The following RIPOR2 variants were observed in gnomAD, a reference collection of about 807,000 sequenced individuals.
RIPOR2 encodes RHO family interacting cell polarization regulator 2, also known as rho family-interacting cell polarization regulator 2.
Under a neutral mutation model 114.5 loss-of-function variants are expected in RIPOR2, and 39 were observed. The ratio of observed to expected loss-of-function variants is 0.34; its 90% CI spans 0.26 to 0.44. RIPOR2 has a LOEUF of 0.44. Among genes scored for constraint, RIPOR2 ranks in the 20% least tolerant of loss-of-function variants. The pLI, the probability that RIPOR2 is intolerant of heterozygous loss-of-function variation, is 1.00. For missense variants in RIPOR2, 1,007 were observed against 1,255.1 expected, an observed-to-expected ratio of 0.80 and a Z score of 2.99; for synonymous variants, 445 against 484.4, an observed-to-expected ratio of 0.92 and a Z score of 1.07.
chr6:24,817,978 C>CTCTTTTTTTTTTTTTT (rs140745822), intron 20 of RIPOR2, among the ~76,000 whole-genome samples: 3 of 118,366 alleles, frequency 2.5e-5, no homozygotes, highest in Non-Finnish European at 3.4e-5. Context: ...CTCTCTCTCT[C>CTCTTTTTTTTTTTTTT]TTTTTTTTTG....
At chr6:24,828,027 T>A in intron 18 of RIPOR2, 110 bp downstream of exon 18, 1 of 984,266 alleles carries the variant, frequency 1.0e-6, no homozygotes, top group Non-Finnish European at 1.4e-6. Context: ...GCACCTCTAC[T>A]GTGGACTTGA....
chr6:24,952,175 T>A (rs80241867), intron 1 of RIPOR2, among the ~76,000 whole-genome samples: 2,144 of 152,314 alleles, frequency 0.014, 37 homozygotes, highest in African/African-American at 0.039. Flanking sequence ...CAACTGAGGT[T>A]GTTGGCTGGG....
intron 16 of RIPOR2, 30 bp from the exon 17 acceptor site, chr6:24,830,700 TA>T: frequency 2.0e-6 from 3 of 1,528,008 alleles, no homozygotes; most frequent in South Asian, 1.2e-5. Context: ...CCCCATCTCG[TA>T]ACACATTTTA....
rs1300892292 is a variant in RIPOR2 at position 25,022,013 on chromosome 6, A to T, written c.76+19838T>A. Among the ~76,000 whole-genome samples the T allele has an allele frequency of 3.3e-5, 5 of 152,088 alleles. No individual in the cohort carries two copies. In the East Asian group the frequency reaches 5.8e-4, roughly 18 times the overall value. ...CAAGGGAAAGATAAACATTAAACTT[A>T]AAAAAAATGGTCTGTAATTATGTAG... On this transcript the variant is annotated intron_variant, in intron 1 of 13. Transcript: ENST00000510784.
chr6:24,898,707 A>G (rs1056412534), intron 1 of RIPOR2: 3 of 152,170 alleles, frequency 2.0e-5, no homozygotes, highest in African/African-American at 7.2e-5. Context: ...ATTCATCACT[A>G]AGGGAATGTG....
intron 1 of RIPOR2, chr6:25,024,473 T>G: frequency 1.2e-6 from 1 of 860,850 alleles, no homozygotes; most frequent in East Asian, 2.6e-5. Flanking sequence ...TCATGGAGCC[T>G]TTGCTGGACA....
chr6:24,931,204 T>C (rs1006926409), intron 1 of RIPOR2, among the ~76,000 whole-genome samples: 2 of 152,216 alleles, frequency 1.3e-5, no homozygotes, highest in African/African-American at 4.8e-5. Context: ...ATTATTTACC[T>C]ATTAAAAGAA....
At chr6:24,972,096 G>GA (rs1561817051) in intron 1 of RIPOR2, among the ~76,000 whole-genome samples, 1 of 152,078 alleles carries the variant, frequency 6.6e-6, no homozygotes, top group African/African-American at 2.4e-5. Flanking sequence ...GAACCAAAAC[G>GA]TTTCTATCCT....
rs538775253 is a variant in RIPOR2 at position 24,984,611 on chromosome 6, T to A, written c.76+57240A>T. Among the ~76,000 whole-genome samples the A allele has an allele frequency of 3.0e-4, 45 of 148,378 alleles. 1 individual carries two copies. Among genetic ancestry groups the A allele is most frequent in the African/African-American group, 1.0e-3 (42 of 40,074 alleles). On this transcript the variant is annotated intron_variant, in intron 1 of 13. Transcript: ENST00000510784. ...TACTTGGGAGGTTTGAGCCCGGGAG[T>A]TGGAGACCAGCCTGGACAACATAGT...
intron 9 of RIPOR2, among the ~76,000 whole-genome samples, chr6:24,851,593 T>C (rs1160501660): frequency 1.3e-5 from 2 of 152,194 alleles, no homozygotes; most frequent in Admixed American, 6.5e-5. Flanking sequence ...AGATGTTAGA[T>C]GAAATGGTTA....
intron 1 of RIPOR2, among the ~76,000 whole-genome samples, chr6:24,969,998 T>C (rs1773705517): frequency 6.6e-6 from 1 of 152,096 alleles, no homozygotes. Flanking sequence ...ATAAACAAAA[T>C]AAATGAGTCT....
intron 1 of RIPOR2, among the ~76,000 whole-genome samples, chr6:25,014,309 C>T (rs1393818444): frequency 6.6e-6 from 1 of 152,138 alleles, no homozygotes; most frequent in East Asian, 1.9e-4. Context: ...TAAGTAGGAT[C>T]CAAACAAAAC....
At chr6:24,872,748 C>T in intron 4 of RIPOR2, 133 bp downstream of exon 4, 1 of 579,250 alleles carries the variant, frequency 1.7e-6, no homozygotes, top group Non-Finnish European at 3.1e-6. Flanking sequence ...CTAAGACATA[C>T]TGGGGGATGC....
intron 1 of RIPOR2, among the ~76,000 whole-genome samples, chr6:24,958,958 C>CTTTCTTTTTTTTT (rs139147901): frequency 3.2e-5 from 4 of 123,218 alleles, no homozygotes; most frequent in Admixed American, 8.2e-5. Context: ...TCTACATTTT[C>CTTTCTTTTTTTTT]TTTTTTTTTT....
chr6:24,889,910 G>A (rs1767170956), intron 1 of RIPOR2, among the ~76,000 whole-genome samples: 2 of 151,524 alleles, frequency 1.3e-5, no homozygotes, highest in Non-Finnish European at 2.9e-5. Context: ...TTATTTTTTT[G>A]AGACAGAGTT....
At position 24,875,902 on chromosome 6, in the gene RIPOR2, G is replaced by GTGCTT; in HGVS notation, c.62-86_62-85insAAGCA. On this transcript the variant is annotated intron_variant, in intron 1 of 21. Coordinates refer to ENST00000643898, the MANE Select transcript of RIPOR2 (RefSeq NM_001286445.3). The stretch of plus-strand genomic sequence containing the variant: ...AAGCTTGTCAACAATGATAAAGGAT[G>GTGCTT]TAAAGTAAGCCATGAGACTGTTAAG... 5.4e-6 allele frequency: 7 copies of GTGCTT among 1,303,816 alleles called. No individual in the cohort carries two copies. The South Asian group carries it at 9.4e-5, about 17-fold the overall frequency. The allele number at this position is 1,303,816 out of a possible 1,614,324, so 80.8% of individuals were successfully genotyped here. A position where few individuals can be genotyped will look rare whatever the true frequency, so the allele number is the denominator to read the frequency against.
At chr6:24,840,420 T>C (rs1169863234) in intron 13 of RIPOR2, 1 of 1,247,404 alleles carries the variant, frequency 8.0e-7, no homozygotes, top group Non-Finnish European at 1.0e-6. Context: ...CATTCTATAA[T>C]GCTGGCCACA....
intron 1 of RIPOR2, among the ~76,000 whole-genome samples, chr6:24,892,319 A>C (rs1219919061): frequency 1.3e-5 from 2 of 151,934 alleles, no homozygotes; most frequent in Non-Finnish European, 2.9e-5. Flanking sequence ...CCCAGGCTGG[A>C]TAGTATAATG....
Position 24,976,807 on chromosome 6 carries a change from T to C in RIPOR2, c.76+65044A>G. 5 of 1,611,406 alleles carry C rather than the reference T, an allele frequency of 3.1e-6. No individual in the cohort carries two copies. In the Admixed American group the frequency reaches 8.3e-5, roughly 27 times the overall value. ...TGGCAAATGCTGGACCCAACACAAA[T>C]GGTTCCCAGTTTTTCATCTGCACTG... On this transcript the variant is annotated intron_variant, in intron 1 of 13. Coordinates refer to the RIPOR2 transcript ENST00000510784.
Sources: allele counts gnomAD v4.1 joint callset (sites outside exome capture counted in the v4.1 genomes callset), GRCh38; gene constraint gnomAD v4.1.1; transcripts MANE v1.5; gene names NCBI Gene and HGNC (gene_info 2026-07-23, HGNC 2026-07-21).